The following PPWD1 variants were observed in gnomAD, a reference collection of about 807,000 sequenced individuals.
PPWD1 encodes the protein peptidylprolyl isomerase domain and WD repeat-containing protein 1.
A neutral mutation model predicts 68.8 loss-of-function variants in PPWD1; 43 were observed. The observed-to-expected ratio is 0.62, with a 90% CI of 0.49 to 0.81. The LOEUF is 0.81. Among genes scored for constraint, PPWD1 ranks in the 30% least tolerant of loss-of-function variants. The pLI, the probability that PPWD1 is intolerant of heterozygous loss-of-function variation, is 0.00. For synonymous variants in PPWD1, 232 were observed against 258.7 expected (o/e 0.90, Z 0.99); for missense variants, 672 against 804.8 (o/e 0.83, Z 2.00).
intron 5 of PPWD1, among the ~76,000 whole-genome samples, chr5:65,573,477 T>TATATATATA (rs1561725705): frequency 2.0e-4 from 4 of 20,142 alleles, no homozygotes; most frequent in Admixed American, 6.8e-4. Context: ...ATATATATAT[T>TATATATATA]TTTTTTTTAT....
chr5:65,585,406 A>G (rs575866182), intron 9 of PPWD1, among the ~76,000 whole-genome samples: 26 of 152,318 alleles, frequency 1.7e-4, no homozygotes, highest in Admixed American at 3.3e-4. Context: ...TCGTGGCTAG[A>G]TAGGGTCTAG....
intron 9 of PPWD1, among the ~76,000 whole-genome samples, chr5:65,585,331 A>G (rs960393472): frequency 1.6e-4 from 25 of 152,180 alleles, no homozygotes; most frequent in African/African-American, 5.8e-4. Context: ...CAGCTAAAGT[A>G]AAGGGTAAGA....
intron 5 of PPWD1, among the ~76,000 whole-genome samples, chr5:65,573,144 T>C (rs1753090850): frequency 6.6e-6 from 1 of 150,930 alleles, no homozygotes; most frequent in South Asian, 2.1e-4. Flanking sequence ...AGGACCTTTT[T>C]ATAAGTTGTT....
At chr5:65,574,249 A>C (rs1024568817) in intron 5 of PPWD1, among the ~76,000 whole-genome samples, 1 of 152,184 alleles carries the variant, frequency 6.6e-6, no homozygotes, top group Non-Finnish European at 1.5e-5. Context: ...CCTTATGACA[A>C]ATTTTCTTGT....
At position 65,573,458 on chromosome 5, in the gene PPWD1, A is replaced by AATAT. The variant is rs1241209299; in HGVS notation, c.969+1187_969+1190dup. On this transcript the variant is annotated intron_variant, in intron 5 of 10. Coordinates refer to ENST00000261308, the MANE Select transcript of PPWD1 (RefSeq NM_015342.4). ...TAGGCGTGTGCCACCACACTTAGCTAATATATATATATATATATTTTTTTT... is the reference window on the plus strand; with the variant it reads ...TAGGCGTGTGCCACCACACTTAGCTAATATATATATATATATATATATTTTTTTT... 2.8e-4 allele frequency among the ~76,000 whole-genome samples: 21 copies of AATAT among 75,590 alleles called. 1 individual carries two copies. The East Asian group carries it at 3.9e-3, about 14-fold the overall frequency. 49.6% of individuals were successfully genotyped at this position (75,590 alleles called of 152,430 possible).
chr5:65,576,119 T>A (rs374631833), intron 5 of PPWD1, among the ~76,000 whole-genome samples: 2 of 151,422 alleles, frequency 1.3e-5, no homozygotes, highest in African/African-American at 4.9e-5. Context: ...ATTTTTTATA[T>A]TGTTGAGATG....
At chr5:65,585,909 G>C (rs2150611267) in intron 9 of PPWD1, 90 bp from the exon 10 acceptor site, 1 of 1,527,840 alleles carries the variant, frequency 6.5e-7, no homozygotes, top group Non-Finnish European at 8.8e-7. Context: ...ATATTACACT[G>C]AATACAAAGC....
intron 9 of PPWD1, 44 bp from the exon 10 acceptor site, chr5:65,585,955 T>C: frequency 1.3e-6 from 2 of 1,594,120 alleles, no homozygotes; most frequent in Non-Finnish European, 1.7e-6. Flanking sequence ...AGCGTACATA[T>C]ATCGAAAAGG....
intron 10 of PPWD1, 94 bp downstream of exon 10, chr5:65,586,275 C>T: frequency 8.2e-7 from 1 of 1,217,778 alleles, no homozygotes; most frequent in Non-Finnish European, 1.1e-6. Flanking sequence ...TCTGTATTTT[C>T]TGCATTATTT....
At chr5:65,579,258 G>A (rs766231512) in intron 6 of PPWD1, 166 bp from the exon 7 acceptor site, 18 of 1,158,706 alleles carry the variant, frequency 1.6e-5, no homozygotes, top group Non-Finnish European at 1.9e-5. Context: ...CTGCCTACCA[G>A]TTTAAATTGA....
chr5:65,565,489 CAGTT>C (rs903498446), intron 1 of PPWD1, among the ~76,000 whole-genome samples: 63 of 152,136 alleles, frequency 4.1e-4, no homozygotes, highest in African/African-American at 1.4e-3. Context: ...TCCTCTTAAT[CAGTT>C]ATTTATTGTT....
In PPWD1 at chr5:65,569,708, G is replaced by T; in HGVS notation, c.376G>T (p.Val126Phe). ...WKKIEEGIEF[V>F]KHFRSHLGVI... is the part of the protein sequence containing the mutation. The stretch of plus-strand genomic sequence containing the variant: ...AAAAATAGAAGAGGGAATTGAATTT[G>T]TTAAACATTTTCGTAGTCACCTGGG... Residue 126 changes from valine to phenylalanine, a missense_variant, in exon 3 of 11, where the codon GTT becomes TTT. Val to Phe is a conservative substitution (Grantham distance 50, BLOSUM62 -1). Around this residue, in one of 2 missense-constraint regions of PPWD1, gnomAD observed 484 missense variants for 646.2 expected, o/e 0.75. Coordinates refer to ENST00000261308, the MANE Select transcript of PPWD1 (RefSeq NM_015342.4). 1.2e-6 allele frequency: 2 copies of T among 1,609,854 alleles called. No individual in the cohort carries two copies. The highest frequency in any genetic ancestry group is 1.7e-6 in the Non-Finnish European group (2 of 1,177,506).
intron 5 of PPWD1, among the ~76,000 whole-genome samples, chr5:65,574,625 G>A (rs897835694): frequency 4.6e-5 from 7 of 151,176 alleles, no homozygotes; most frequent in Non-Finnish European, 7.4e-5. Context: ...CACTGCGCCC[G>A]GCTAATTTTT....
intron 10 of PPWD1, 86 bp downstream of exon 10, chr5:65,586,267 T>A (rs568411541): frequency 7.9e-7 from 1 of 1,264,908 alleles, no homozygotes; most frequent in African/African-American, 1.5e-5. Flanking sequence ...TGCATTATTC[T>A]GTATTTTCTG....
At position 65,572,193 on chromosome 5, in the gene PPWD1, G is replaced by A. The variant is rs752389311; in HGVS notation, c.876G>A (p.Gly292=). The change falls in exon 5 of 11, where the codon GGG becomes GGA. Residue 292 remains glycine, a synonymous_variant. Coordinates refer to ENST00000261308, the MANE Select transcript of PPWD1 (RefSeq NM_015342.4). ...YPTSVCFSPD[G]KKIATIGSDR... ...CCAGCGTATGTTTTTCACCAGATGG[G>A]AAGAAAATAGCTACTATTGGTTCTG... The A allele has an allele frequency of 1.2e-6, 2 of 1,613,566 alleles. No individual in the cohort carries two copies. The highest frequency in any genetic ancestry group is 1.7e-5 in the Admixed American group (1 of 60,018).
intron 1 of PPWD1, among the ~76,000 whole-genome samples, chr5:65,564,380 A>T (rs565174031): frequency 7.3e-6 from 1 of 137,528 alleles, no homozygotes; most frequent in African/African-American, 2.8e-5. Flanking sequence ...GCTGGAGCGC[A>T]TGCAGTGGCG....
Position 65,563,440 on chromosome 5 carries a change from GA to G in PPWD1, c.131del (p.Glu44GlyfsTer24). Reference sequence around the variant, plus strand: ...AGTGGCGGTGTCCCAGGAGAACGATGAGGAGAACGAAGAGCGCTGGGTTGGA... The same window carrying G: ...AGTGGCGGTGTCCCAGGAGAACGATGGGAGAACGAAGAGCGCTGGGTTGGA... ...VAVAVSQEND[E>X]ENEERWVGPL... On this transcript the variant is annotated frameshift_variant, in exon 1 of 11. Coordinates refer to ENST00000261308, the MANE Select transcript of PPWD1 (RefSeq NM_015342.4). LOFTEE classifies it high-confidence loss of function. The G allele has an allele frequency of 6.2e-7, 1 of 1,614,130 alleles. No individual in the cohort carries two copies.
rs1333796058 is a variant in PPWD1 at position 65,573,280 on chromosome 5, G to GT, written c.969+1001dup. On this transcript the variant is annotated intron_variant, in intron 5 of 10. Transcript: ENST00000261308. Reference sequence around the variant, plus strand: ...TTCACTAGTCATCCTGTCTTGCACAGTTTTTTTATTTTTTATTATTTATTT... The same window carrying GT: ...TTCACTAGTCATCCTGTCTTGCACAGTTTTTTTTATTTTTTATTATTTATTT... 5.3e-5 allele frequency among the ~76,000 whole-genome samples: 8 copies of GT among 150,638 alleles called. No individual in the cohort carries two copies. The South Asian group carries it at 8.3e-4, about 16-fold the overall frequency.
chr5:65,563,491 G>A lies in PPWD1; in HGVS notation c.181G>A (p.Ala61Thr), dbSNP rs773726429. 17 of 1,612,362 alleles carry A rather than the reference G, an allele frequency of 1.1e-5. No homozygotes were observed. Among genetic ancestry groups the A allele is most frequent in the Non-Finnish European group, 1.4e-5 (16 of 1,179,496 alleles). The change falls in exon 1 of 11, where the codon GCC (alanine) becomes ACC (threonine). Residue 61 changes from alanine (A) to threonine (T), a missense_variant. Coordinates refer to ENST00000261308, the MANE Select transcript of PPWD1 (RefSeq NM_015342.4). Reference protein sequence around the residue: ...VGPLPVEATLAKKRKVLEFER... With the variant: ...VGPLPVEATLTKKRKVLEFER... ...ACCTTTACCTGTGGAGGCAACACTGGCCAAGAAGAGGAAAGGTAGCTGCAG... is the reference window on the plus strand; with the variant it reads ...ACCTTTACCTGTGGAGGCAACACTGACCAAGAAGAGGAAAGGTAGCTGCAG...
Sources: allele counts gnomAD v4.1 joint callset (sites outside exome capture counted in the v4.1 genomes callset), GRCh38; gene constraint gnomAD v4.1.1; regional missense constraint gnomAD v4.1.1; transcripts MANE v1.5; gene names NCBI Gene and HGNC (gene_info 2026-07-23, HGNC 2026-07-21).